Variants in PLA2G15 observed in about 807,000 individuals in gnomAD.
PLA2G15 encodes lysosomal phospholipase A and acyltransferase.
In PLA2G15, 20 loss-of-function variants were observed where a neutral mutation model predicts 40.9. That is an observed-to-expected ratio of 0.49 (90% CI 0.34 to 0.71). The LOEUF is 0.71. Among genes scored for constraint, PLA2G15 ranks in the 30% least tolerant of loss-of-function variants. The pLI, the probability that PLA2G15 is intolerant of heterozygous loss-of-function variation, is 0.01. For synonymous variants in PLA2G15, 223 were observed against 228.2 expected, an observed-to-expected ratio of 0.98 and a Z score of 0.21; for missense variants, 471 against 541.9, an observed-to-expected ratio of 0.87 and a Z score of 1.30.
At position 68,255,647 on chromosome 16, in the gene PLA2G15, C is replaced by T. The variant is rs190017160; in HGVS notation, c.503-119C>T. The T allele has an allele frequency of 1.2e-3, 1,025 of 826,288 alleles. 8 individuals are homozygous for T. The highest frequency in any genetic ancestry group is 7.4e-3 in the South Asian group (474 of 63,738). The allele number at this position is 826,288 out of a possible 1,614,324, so 51.2% of individuals were successfully genotyped here. ...GGAAGGCGGGGGGACCCAGACCGCT[C>T]TGTTTGAATGTGAGCACCCTCCCCT... On this transcript the variant is annotated intron_variant, in intron 4 of 5. Transcript: ENST00000219345. This position sits in a 1 kb window ranked among gnomAD's most constrained non-coding sequence, Gnocchi z 5.9.
chr16:68,254,071 A>T (rs16957784), intron 2 of PLA2G15, among the ~76,000 whole-genome samples: 4,457 of 152,058 alleles, frequency 0.029, 200 homozygotes, highest in African/African-American at 0.097. Context: ...ATGCAAGGAG[A>T]TGGAGCGATG....
chr16:68,245,575 G>A (rs778707006), intron 1 of PLA2G15, 22 bp downstream of exon 1: 3 of 1,559,874 alleles, frequency 1.9e-6, no homozygotes, highest in Non-Finnish European at 2.6e-6. Context: ...GTCTCGTGGT[G>A]GATCTGTCGG....
At position 68,255,401 on chromosome 16, in the gene PLA2G15, C is replaced by T; in HGVS notation, c.502+21C>T. On this transcript the variant is annotated intron_variant, in intron 4 of 5. Transcript: ENST00000219345. This position sits in a 1 kb window ranked among gnomAD's most constrained non-coding sequence, Gnocchi z 5.9. ...CCCAAGTAAGCAGGCACTCTCATTC[C>T]CTCCCTGACGTCTCGGGAGGTAGGG... 6.4e-7 allele frequency: 1 copy of T among 1,555,766 alleles called. No homozygotes were observed. Among genetic ancestry groups the T allele is most frequent in the Non-Finnish European group, 8.8e-7 (1 of 1,131,996 alleles).
intron 2 of PLA2G15, among the ~76,000 whole-genome samples, chr16:68,252,212 C>CT (rs2042360513): frequency 6.6e-6 from 1 of 152,170 alleles, no homozygotes; most frequent in Non-Finnish European, 1.5e-5. Flanking sequence ...AGCTACTTTG[C>CT]TATGTGGTCA....
chr16:68,255,471 C>A lies in PLA2G15; in HGVS notation c.502+91C>A. On this transcript the variant is annotated intron_variant, in intron 4 of 5. Coordinates refer to ENST00000219345, the MANE Select transcript of PLA2G15 (RefSeq NM_012320.4). This position sits in a 1 kb window ranked among gnomAD's most constrained non-coding sequence, Gnocchi z 5.9. ...CACAGACCTTGGGCTCTCCCCTTGTCCTTGGCTGTCTCCTGTCCCTGGGCC... is the reference window on the plus strand; with the variant it reads ...CACAGACCTTGGGCTCTCCCCTTGTACTTGGCTGTCTCCTGTCCCTGGGCC... 1 of 844,424 alleles carries A rather than the reference C, an allele frequency of 1.2e-6. No individual in the cohort carries two copies. Among genetic ancestry groups the A allele is most frequent in the Non-Finnish European group, 1.9e-6 (1 of 539,874 alleles). The allele number at this position is 844,424 out of a possible 1,614,324, so 52.3% of individuals were successfully genotyped here.
At chr16:68,250,623 ATCCCATCACTTTGGG>A (rs2042347838) in intron 2 of PLA2G15, among the ~76,000 whole-genome samples, 1 of 152,084 alleles carries the variant, frequency 6.6e-6, no homozygotes, top group Non-Finnish European at 1.5e-5. Context: ...CTCTGCTATA[ATCCCATCACTTTGGG>A]AGGCTGAGGC....
At chr16:68,252,552 C>T (rs987394805) in intron 2 of PLA2G15, 3 of 455,974 alleles carry the variant, frequency 6.6e-6, no homozygotes, top group African/African-American at 6.0e-5. Flanking sequence ...CAGCTGTGTA[C>T]TGAGCCCTGA....
intron 5 of PLA2G15, among the ~76,000 whole-genome samples, chr16:68,256,797 A>G (rs2042405577): frequency 6.6e-6 from 1 of 151,552 alleles, no homozygotes; most frequent in Admixed American, 6.6e-5. Context: ...AGTGTGAGCC[A>G]CTGTGCCTGG....
Position 68,249,408 on chromosome 16 carries a change from G to A in PLA2G15, c.246G>A (p.Leu82=). ...YFTIWLNLEL[L]LPVIIDCWID... ...CAATCTGGCTGAACCTGGAACTGCTGCTGCCTGTCATCATTGACTGCTGGA... is the reference window on the plus strand; with the variant it reads ...CAATCTGGCTGAACCTGGAACTGCTACTGCCTGTCATCATTGACTGCTGGA... The change falls in exon 2 of 6, where the codon CTG becomes CTA. Residue 82 remains leucine (L), a synonymous_variant. Coordinates refer to ENST00000219345, the MANE Select transcript of PLA2G15 (RefSeq NM_012320.4). 6.2e-7 allele frequency: 1 copy of A among 1,614,180 alleles called. No individual in the cohort carries two copies. The highest frequency in any genetic ancestry group is 8.5e-7 in the Non-Finnish European group (1 of 1,180,012).
chr16:68,255,710 G>A lies in PLA2G15; in HGVS notation c.503-56G>A. 1 of 1,447,478 alleles carries A rather than the reference G, an allele frequency of 6.9e-7. No individual in the cohort carries two copies. Among genetic ancestry groups the A allele is most frequent in the Non-Finnish European group, 9.7e-7 (1 of 1,029,128 alleles). 89.7% of individuals were successfully genotyped at this position (1,447,478 alleles called of 1,614,324 possible). Reference sequence around the variant, plus strand: ...TTGTGTCTGGCCTGAGAAAAGCTCAGTGGTTCCGGCTCCAGGACCCTTCCC... The same window carrying A: ...TTGTGTCTGGCCTGAGAAAAGCTCAATGGTTCCGGCTCCAGGACCCTTCCC... On this transcript the variant is annotated intron_variant, in intron 4 of 5. Transcript: ENST00000219345. The surrounding 1 kb of genome is among the most constrained non-coding windows in gnomAD (Gnocchi z 5.9).
chr16:68,247,102 A>C (rs903157979), intron 1 of PLA2G15, among the ~76,000 whole-genome samples: 22 of 151,972 alleles, frequency 1.4e-4, no homozygotes, highest in Non-Finnish European at 2.8e-4. Context: ...GAGCAGCAGG[A>C]GTCCTAACAT....
intron 2 of PLA2G15, among the ~76,000 whole-genome samples, chr16:68,251,034 C>A (rs749554060): frequency 1.6e-4 from 25 of 152,110 alleles, no homozygotes; most frequent in Non-Finnish European, 3.4e-4. Flanking sequence ...AGGCACTGTA[C>A]ATTTTATATA....
Position 68,259,951 on chromosome 16 carries a change from C to A in PLA2G15, c.*294C>A. On this transcript the variant is annotated 3_prime_UTR_variant, in exon 6 of 6. Transcript: ENST00000219345. This position sits in a 1 kb window ranked among gnomAD's most constrained non-coding sequence, Gnocchi z 6.5. Reference sequence around the variant, plus strand: ...CAGGGTGGACTGGCTGGGCCCTGGTCCCAGTCCCTGCCTGGGGCCATGTGT... The same window carrying A: ...CAGGGTGGACTGGCTGGGCCCTGGTACCAGTCCCTGCCTGGGGCCATGTGT... The A allele has an allele frequency of 2.2e-6, 1 of 458,716 alleles. No individual in the cohort carries two copies. The highest frequency in any genetic ancestry group is 2.5e-5 in the South Asian group (1 of 39,618). The allele number at this position is 458,716 out of a possible 1,614,324, so 28.4% of individuals were successfully genotyped here. A position where few individuals can be genotyped will look rare whatever the true frequency, so the allele number is the denominator to read the frequency against.
Position 68,259,410 on chromosome 16 carries a change from T to C in PLA2G15, c.992T>C (p.Leu331Pro), listed in dbSNP as rs1284516970. 1 of 1,614,052 alleles carries C rather than the reference T, an allele frequency of 6.2e-7. No individual in the cohort carries two copies. The highest frequency in any genetic ancestry group is 1.1e-5 in the South Asian group (1 of 91,088). ...TMPPGVQLHC[L>P]YGTGVPTPDS... The stretch of plus-strand genomic sequence containing the variant: ...CCACCTGGCGTGCAGCTGCACTGCC[T>C]CTATGGTACTGGCGTCCCCACACCA... The change falls in exon 6 of 6, where the codon CTC becomes CCC. Residue 331 changes from leucine (L) to proline (P), a missense_variant. By Grantham distance (98) the Leu-to-Pro change is moderately conservative. Coordinates refer to ENST00000219345, the MANE Select transcript of PLA2G15 (RefSeq NM_012320.4). The surrounding 1 kb of genome is among the most constrained non-coding windows in gnomAD (Gnocchi z 6.5).
Position 68,255,143 on chromosome 16 carries a change from T to C in PLA2G15, c.403+106T>C, listed in dbSNP as rs1297163706. The C allele has an allele frequency of 3.7e-5, 37 of 996,368 alleles. No homozygotes were observed. Among genetic ancestry groups the C allele is most frequent in the Non-Finnish European group, 5.9e-5 (37 of 626,194 alleles). The allele number at this position is 996,368 out of a possible 1,614,324, so 61.7% of individuals were successfully genotyped here. On this transcript the variant is annotated intron_variant, in intron 3 of 5. Coordinates refer to ENST00000219345, the MANE Select transcript of PLA2G15 (RefSeq NM_012320.4). The surrounding 1 kb of genome is among the most constrained non-coding windows in gnomAD (Gnocchi z 5.9). ...TGGTTTGTAGGGACAGCCTGTGAGC[T>C]GTCTCTGATCAGCGTGGGCACAGAG...
chr16:68,247,762 G>A (rs1446705395), intron 1 of PLA2G15, among the ~76,000 whole-genome samples: 2 of 152,252 alleles, frequency 1.3e-5, no homozygotes, highest in Admixed American at 1.3e-4. Flanking sequence ...CCTGTTCAGG[G>A]TGGATTTACG....
Position 68,255,924 on chromosome 16 carries a change from C to T in PLA2G15, c.661C>T (p.Arg221Trp), listed in dbSNP as rs750339463. ...QPQAWKDKYI[R>W]AFVSLGAPWG... ...GCAGGCCTGGAAGGACAAGTATATC[C>T]GGGCCTTCGTGTCACTGGGTGCGCC... Residue 221 changes from arginine (R) to tryptophan (W), a missense_variant, in exon 5 of 6, where the codon CGG becomes TGG. Physicochemically the swap from Arg to Trp is moderately radical, Grantham distance 101. Coordinates refer to ENST00000219345, the MANE Select transcript of PLA2G15 (RefSeq NM_012320.4). The surrounding 1 kb of genome is among the most constrained non-coding windows in gnomAD (Gnocchi z 5.9). The T allele has an allele frequency of 1.1e-5, 17 of 1,613,022 alleles. No individual in the cohort carries two copies. The highest frequency in any genetic ancestry group is 1.7e-5 in the Admixed American group (1 of 60,000).
In PLA2G15 at chr16:68,259,001, G is replaced by A. The variant is rs899426705; in HGVS notation, c.728-145G>A. 4.5e-6 allele frequency: 3 copies of A among 670,694 alleles called. No individual in the cohort carries two copies. The highest frequency in any genetic ancestry group is 2.7e-5 in the Admixed American group (1 of 37,710). The allele number at this position is 670,694 out of a possible 1,614,324, so 41.5% of individuals were successfully genotyped here. ...AGCCAAGGCAGGGATGGGAGTCACA[G>A]TGATTACAATGATGATAACCGGGTA... is the stretch of plus-strand genomic sequence containing the variant. On this transcript the variant is annotated intron_variant, in intron 5 of 5. Coordinates refer to ENST00000219345, the MANE Select transcript of PLA2G15 (RefSeq NM_012320.4). This position sits in a 1 kb window ranked among gnomAD's most constrained non-coding sequence, Gnocchi z 6.5.
intron 2 of PLA2G15, among the ~76,000 whole-genome samples, chr16:68,251,706 A>G (rs1159722480): frequency 6.6e-6 from 1 of 151,922 alleles, no homozygotes; most frequent in African/African-American, 2.4e-5. Flanking sequence ...ACAAAAATAC[A>G]AAAATGAGCC....
Sources: gnomAD v4.1 joint callset for allele counts (sites outside exome capture counted in the v4.1 genomes callset) on GRCh38, gnomAD v4.1.1 for gene constraint, Gnocchi (gnomAD v3.1) non-coding constraint, MANE v1.5 for transcripts, NCBI Gene and HGNC (gene_info 2026-07-23, HGNC 2026-07-21) for gene names.